The following FLACC1 variants were observed in gnomAD, a reference collection of about 807,000 sequenced individuals.
FLACC1 encodes the protein flagellum-associated coiled-coil domain-containing protein 1.
Under a neutral mutation model 62.8 loss-of-function variants are expected in FLACC1, and 66 were observed. The ratio of observed to expected loss-of-function variants is 1.05; its 90% CI spans 0.86 to 1.29. The LOEUF is 1.29. FLACC1 is among the 50% of genes most tolerant of loss of function. FLACC1 has a pLI of 0.00. For synonymous variants in FLACC1, 156 were observed against 161.0 expected (o/e 0.97, Z 0.24); for missense variants, 452 against 489.1 (o/e 0.92, Z 0.71).
chr2:201,330,514 C>T lies in FLACC1; in HGVS notation c.631G>A (p.Gly211Arg), dbSNP rs1438155234. 2.5e-6 allele frequency: 4 copies of T among 1,613,546 alleles called. No homozygotes were observed. Among genetic ancestry groups the T allele is most frequent in the Non-Finnish European group, 3.4e-6 (4 of 1,179,826 alleles). ...TTCTTCAAATACTTGTATTCTTTTC[C>T]CATCTCCTCTGGATAAAAGGAAAAC... ...LAAQEKLEEM[G>R]KEYKYLKNMF... is the part of the protein sequence containing the mutation. The change falls in exon 9 of 15, where the codon GGA (glycine) becomes AGA (arginine). Residue 211 changes from glycine (G) to arginine (R), a missense_variant. Transcript: ENST00000392257.
chr2:201,298,712 C>A (rs1450145926), intron 12 of FLACC1, among the ~76,000 whole-genome samples: 1 of 152,164 alleles, frequency 6.6e-6, no homozygotes, highest in Non-Finnish European at 1.5e-5. Flanking sequence ...GGATCCAAGT[C>A]AAATTTTCAG....
rs537407261 is a variant in FLACC1 at position 201,298,621 on chromosome 2, G to A, written c.942+617C>T. ...AGTCTGTTTGCCTTTCCATAATGCTGAAGCCCTGCCTGGGCTCTAAGATAG... is the reference window on the plus strand; with the variant it reads ...AGTCTGTTTGCCTTTCCATAATGCTAAAGCCCTGCCTGGGCTCTAAGATAG... On this transcript the variant is annotated intron_variant, in intron 12 of 14. Transcript: ENST00000392257. Among the ~76,000 whole-genome samples, 10 of 152,326 alleles carry A rather than the reference G, an allele frequency of 6.6e-5. No individual in the cohort carries two copies. In the East Asian group the frequency reaches 1.7e-3, roughly 26 times the overall value.
intron 10 of FLACC1, among the ~76,000 whole-genome samples, chr2:201,308,057 C>T (rs952944208): frequency 6.6e-6 from 1 of 152,242 alleles, no homozygotes; most frequent in South Asian, 2.1e-4. Context: ...AGGAAACCTG[C>T]CAGTAGAGCC....
At position 201,309,218 on chromosome 2, in the gene FLACC1, C is replaced by A; in HGVS notation, c.708G>T (p.Trp236Cys). Residue 236 changes from tryptophan (W) to cysteine (C), a missense_variant, in exon 10 of 15, where the codon TGG becomes TGT. Trp to Cys is a radical substitution (Grantham distance 215). Around this residue, in one of 3 missense-constraint regions of FLACC1, gnomAD observed 301 missense variants for 318.4 expected, o/e 0.95. Coordinates refer to ENST00000392257, the MANE Select transcript of FLACC1 (RefSeq NM_001127391.3). ...DSIYDEMEEK[W>C]SKQKAKWKKD... ...TCTTCCATTTCGCCTTCTGTTTTGA[C>A]CACTTCTCTTCCATTTCATCATAAA... The A allele has an allele frequency of 6.2e-7, 1 of 1,614,040 alleles. No homozygotes were observed. Among genetic ancestry groups the A allele is most frequent in the Non-Finnish European group, 8.5e-7 (1 of 1,179,902 alleles).
At chr2:201,318,501 A>G (rs554865202) in intron 9 of FLACC1, among the ~76,000 whole-genome samples, 51 of 152,292 alleles carry the variant, frequency 3.3e-4, no homozygotes, top group African/African-American at 1.2e-3. Flanking sequence ...AAAGTGCTCA[A>G]CATCACTAAT....
intron 9 of FLACC1, among the ~76,000 whole-genome samples, chr2:201,329,722 A>G (rs887915731): frequency 6.6e-6 from 1 of 152,214 alleles, no homozygotes; most frequent in African/African-American, 2.4e-5. Context: ...GTTCTTGTAG[A>G]CACTGGGGGC....
chr2:201,339,066 C>CTTTTTTTTTTTTTTTTTTTT (rs1559414089), intron 7 of FLACC1, among the ~76,000 whole-genome samples: 3 of 151,868 alleles, frequency 2.0e-5, no homozygotes, highest in African/African-American at 4.8e-5. Context: ...TGTTGGGAGA[C>CTTTTTTTTTTTTTTTTTTTT]TTTTTATTAC....
At chr2:201,307,434 A>G in intron 11 of FLACC1, 85 bp downstream of exon 11, 1 of 955,588 alleles carries the variant, frequency 1.0e-6, no homozygotes, top group South Asian at 1.4e-5. Flanking sequence ...CAAAAAGATC[A>G]CCTAATTATG....
At chr2:201,320,768 A>G (rs571982974) in intron 9 of FLACC1, among the ~76,000 whole-genome samples, 2 of 152,338 alleles carry the variant, frequency 1.3e-5, no homozygotes, top group East Asian at 3.9e-4. Context: ...AGTTTAACAC[A>G]AAGGACAGAA....
Position 201,346,417 on chromosome 2 carries a change from C to A in FLACC1, c.368+125G>T. On this transcript the variant is annotated intron_variant, in intron 5 of 14. Coordinates refer to ENST00000392257, the MANE Select transcript of FLACC1 (RefSeq NM_001127391.3). The surrounding 1 kb of genome is among the most constrained non-coding windows in gnomAD (Gnocchi z 4.0). ...AGGGGCGAGGAGGGAGGTGCCCTTG[C>A]GGCCCCTCCAGAGCAGGGACCAGTG... 3 of 1,359,780 alleles carry A rather than the reference C, an allele frequency of 2.2e-6. No individual in the cohort carries two copies. The highest frequency in any genetic ancestry group is 2.7e-5 in the South Asian group (2 of 74,048). The allele number at this position is 1,359,780 out of a possible 1,614,324, so 84.2% of individuals were successfully genotyped here. A position where few individuals can be genotyped will look rare whatever the true frequency, so the allele number is the denominator to read the frequency against.
At chr2:201,297,336 G>A (rs1007335282) in intron 12 of FLACC1, among the ~76,000 whole-genome samples, 1 of 152,122 alleles carries the variant, frequency 6.6e-6, no homozygotes, top group Non-Finnish European at 1.5e-5. Flanking sequence ...CACCAAAGGA[G>A]AAACGGGAGA....
intron 7 of FLACC1, among the ~76,000 whole-genome samples, chr2:201,338,046 C>T (rs1950729880): frequency 6.6e-6 from 1 of 152,106 alleles, no homozygotes; most frequent in African/African-American, 2.4e-5. Context: ...AAATGTCTTT[C>T]CATTTGTTTG....
At position 201,289,713 on chromosome 2, in the gene FLACC1, A is replaced by G. The variant is rs1423672249; in HGVS notation, c.1015T>C (p.Leu339=). The G allele has an allele frequency of 3.7e-6, 6 of 1,613,846 alleles. No homozygotes were observed. The highest frequency in any genetic ancestry group is 2.2e-5 in the East Asian group (1 of 44,896). ...SLNTNLYYTQ[L]ELQKEKAIVG... ...GGACTCACCTCTTTCTGGAGTTCCA[A>G]CTGGGTATAGTAGAGGTTTGTGTTC... The change falls in exon 13 of 15, where the codon TTG becomes CTG. Residue 339 remains leucine (L), a synonymous_variant. Transcript: ENST00000392257.
At chr2:201,311,328 C>T (rs1285723131) in intron 9 of FLACC1, among the ~76,000 whole-genome samples, 2 of 151,968 alleles carry the variant, frequency 1.3e-5, no homozygotes, top group African/African-American at 4.8e-5. Context: ...CAAAACCTGG[C>T]AAAGACAAAA....
chr2:201,302,078 A>G (rs1006186670), intron 11 of FLACC1, among the ~76,000 whole-genome samples: 1 of 152,236 alleles, frequency 6.6e-6, no homozygotes, highest in Admixed American at 6.5e-5. Flanking sequence ...AAATTCACAC[A>G]TAACAATATT....
intron 7 of FLACC1, among the ~76,000 whole-genome samples, chr2:201,339,216 A>G (rs1950755666): frequency 2.0e-5 from 3 of 152,092 alleles, no homozygotes; most frequent in African/African-American, 7.2e-5. Flanking sequence ...ATAGTTGTTC[A>G]TAATAGTCTC....
Position 201,326,700 on chromosome 2 carries a change from T to C in FLACC1, c.675+3770A>G, listed in dbSNP as rs1371706014. 6.6e-6 allele frequency among the ~76,000 whole-genome samples: 1 copy of C among 152,214 alleles called. No homozygotes were observed. Among genetic ancestry groups the C allele is most frequent in the Non-Finnish European group, 1.5e-5 (1 of 68,030 alleles). ...AAACAAATGGAAATGCATTCTATGCTCATGGATTGGAAGAATCAACGTTGT... is the reference window on the plus strand; with the variant it reads ...AAACAAATGGAAATGCATTCTATGCCCATGGATTGGAAGAATCAACGTTGT... On this transcript the variant is annotated intron_variant, in intron 9 of 14. Transcript: ENST00000392257. The surrounding 1 kb of genome is among the most constrained non-coding windows in gnomAD (Gnocchi z 4.1).
At chr2:201,337,082 G>A (rs1296061387) in intron 7 of FLACC1, among the ~76,000 whole-genome samples, 5 of 152,116 alleles carry the variant, frequency 3.3e-5, no homozygotes, top group African/African-American at 1.2e-4. Flanking sequence ...TCCCATTTAA[G>A]AGAATGTCTC....
chr2:201,341,844 A>G (rs972870140), intron 7 of FLACC1, among the ~76,000 whole-genome samples: 2 of 152,162 alleles, frequency 1.3e-5, no homozygotes, highest in African/African-American at 4.8e-5. Flanking sequence ...GGACCATGGT[A>G]ACCATGTTCT....
Sources: allele counts gnomAD v4.1 joint callset (sites outside exome capture counted in the v4.1 genomes callset), GRCh38; gene constraint gnomAD v4.1.1; regional missense constraint gnomAD v4.1.1; non-coding constraint Gnocchi (gnomAD v3.1); transcripts MANE v1.5; gene names NCBI Gene and HGNC (gene_info 2026-07-23, HGNC 2026-07-21).